MUC4: variants seen among roughly 807,000 people sequenced by gnomAD.
The protein encoded by MUC4 is mucin-4.
In MUC4, 202 loss-of-function variants were observed where a neutral mutation model predicts 257.9. The observed-to-expected ratio is 0.78, with a 90% CI of 0.70 to 0.88. The LOEUF (loss-of-function observed/expected upper bound fraction) is 0.88. Among genes scored for constraint, MUC4 ranks in the 40% least tolerant of loss-of-function variants. The pLI is 0.00. For missense variants in MUC4, 5,976 were observed against 6,513.7 expected (o/e 0.92, Z 2.84); for synonymous variants, 2,351 against 2,757.1 (o/e 0.85, Z 4.62).
rs1729553162 is a variant in MUC4 at position 195,783,622 on chromosome 3, T to G, written c.7958A>C (p.Gln2653Pro). 2.8e-6 allele frequency: 1 copy of G among 362,132 alleles called. No individual in the cohort carries two copies. 22.4% of individuals were successfully genotyped at this position (362,132 alleles called of 1,614,324 possible). A position where few individuals can be genotyped will look rare whatever the true frequency, so the allele number is the denominator to read the frequency against. ...VTDASSASTG[Q>P]ATPLPVTSLS... ...GCTGGTGACAGGAAGAGGGGTGGCC[T>G]GACCTGTGGATGCTGAGGAAGCGTC... Residue 2653 changes from glutamine to proline, a missense_variant, in exon 2 of 25, where the codon CAG becomes CCG. Around this residue, in one of 44 missense-constraint regions of MUC4, gnomAD observed 75 missense variants for 58.7 expected, o/e 1.28. Transcript: ENST00000463781.
At chr3:195,805,554 G>C (rs561732983) in intron 1 of MUC4, among the ~76,000 whole-genome samples, 12 of 152,296 alleles carry the variant, frequency 7.9e-5, no homozygotes, top group African/African-American at 2.6e-4. Flanking sequence ...GCCTCGGGCT[G>C]TCCTGGTGTG....
intron 1 of MUC4, 95 bp downstream of exon 1, chr3:195,811,641 T>A: frequency 9.3e-7 from 1 of 1,071,010 alleles, no homozygotes; most frequent in Non-Finnish European, 1.4e-6. Flanking sequence ...TCTCTCTCTC[T>A]CTCTCTCTGT....
At chr3:195,767,418 CA>C (rs1720776038) in intron 7 of MUC4, among the ~76,000 whole-genome samples, 1 of 149,576 alleles carries the variant, frequency 6.7e-6, no homozygotes, top group East Asian at 2.0e-4. Flanking sequence ...TCGTCACCAC[CA>C]ACACTACCAT....
At chr3:195,809,481 C>T (rs1014550110) in intron 1 of MUC4, among the ~76,000 whole-genome samples, 15 of 152,170 alleles carry the variant, frequency 9.9e-5, no homozygotes, top group Admixed American at 7.9e-4. Flanking sequence ...TGGTCATGCC[C>T]GGTCAGATGT....
chr3:195,774,792 C>A (rs920424870), intron 3 of MUC4, among the ~76,000 whole-genome samples: 2 of 149,390 alleles, frequency 1.3e-5, no homozygotes, highest in Admixed American at 1.3e-4. Flanking sequence ...CCCAGCCACT[C>A]GGGAGGCTGA....
intron 17 of MUC4, among the ~76,000 whole-genome samples, chr3:195,758,255 G>C (rs913834882): frequency 2.6e-5 from 4 of 152,130 alleles, no homozygotes; most frequent in Admixed American, 2.6e-4. Context: ...CATGGATGTA[G>C]GGCTCGGGGT....
At chr3:195,754,065 C>G (rs1312341796) in intron 19 of MUC4, 148 bp downstream of exon 19, 5 of 1,120,868 alleles carry the variant, frequency 4.5e-6, no homozygotes, top group Non-Finnish European at 2.5e-6. Flanking sequence ...ATTTCCCACA[C>G]CTGCCTAGAT....
At chr3:195,761,146 G>A (rs755583175) in intron 15 of MUC4, 29 bp from the exon 16 acceptor site, 115 of 1,589,418 alleles carry the variant, frequency 7.2e-5, no homozygotes, top group Admixed American at 4.3e-4. Context: ...GGTGGTACCA[G>A]GCATGGCACT....
In MUC4 at chr3:195,783,456, G is replaced by C. The variant is rs750039806; in HGVS notation, c.8124C>G (p.Thr2708=). Residue 2708 remains threonine, a synonymous_variant, in exon 2 of 25, where the codon ACC becomes ACG. Transcript: ENST00000463781. ...CACCTGTGTATGCTGAGGAAGTGTCGGTGACAGGAAGAGAGGTGGTGTCAC... is the reference window on the plus strand; with the variant it reads ...CACCTGTGTATGCTGAGGAAGTGTCCGTGACAGGAAGAGAGGTGGTGTCAC... ...STGDTTSLPV[T]DTSSAYTGDT... is the part of the protein sequence containing the mutation. 4 of 918,790 alleles carry C rather than the reference G, an allele frequency of 4.4e-6. No individual in the cohort carries two copies. Among genetic ancestry groups the C allele is most frequent in the East Asian group, 6.7e-5 (2 of 29,926 alleles). The allele number at this position is 918,790 out of a possible 1,614,324, so 56.9% of individuals were successfully genotyped here.
intron 1 of MUC4, among the ~76,000 whole-genome samples, chr3:195,792,219 T>G (rs1366028428): frequency 6.6e-6 from 1 of 151,990 alleles, no homozygotes; most frequent in South Asian, 2.1e-4. Flanking sequence ...ATGAGAAAAT[T>G]TTTGCAATCT....
intron 10 of MUC4, 47 bp from the exon 11 acceptor site, chr3:195,764,211 C>T (rs1560251966): frequency 6.5e-7 from 1 of 1,547,256 alleles, no homozygotes; most frequent in African/African-American, 1.4e-5. Context: ...CCTGGAGAAG[C>T]TTGGCAGGGC....
chr3:195,765,272 A>G lies in MUC4; in HGVS notation c.13796T>C (p.Ile4599Thr), dbSNP rs766691897. 6 of 1,611,194 alleles carry G rather than the reference A, an allele frequency of 3.7e-6. No individual in the cohort carries two copies. The highest frequency in any genetic ancestry group is 5.1e-6 in the Non-Finnish European group (6 of 1,178,622). The change falls in exon 9 of 25, where the codon ATA becomes ACA. Residue 4599 changes from isoleucine (I) to threonine (T), a missense_variant and splice_region_variant. By Grantham distance (89) the Ile-to-Thr change is moderately conservative. Coordinates refer to ENST00000463781, the MANE Select transcript of MUC4 (RefSeq NM_018406.7). ...GGGGGGCGGGAAGGAGGTGTCACCT[A>G]TGCTGACGGGTTGGAATCGTAAGTC... is the stretch of plus-strand genomic sequence containing the variant. The part of the protein sequence containing the change: ...RRDLRFQPVS[I>T]GRWGLGSRQL...
chr3:195,770,133 T>G, intron 6 of MUC4, 83 bp downstream of exon 6: 3 of 1,329,590 alleles, frequency 2.3e-6, no homozygotes, highest in Non-Finnish European at 2.0e-6. Flanking sequence ...CCAGAGAGGA[T>G]TTTGGAAGAG....
At position 195,763,780 on chromosome 3, in the gene MUC4, C is replaced by T. The variant is rs1338002193; in HGVS notation, c.14045-139G>A. On this transcript the variant is annotated intron_variant, in intron 11 of 24. Transcript: ENST00000463781. ...ACTGCAGTCGACTGGGGCACTTGTC[C>T]GGGCGGACTCAGCTGGGGAGATGTT... is the stretch of plus-strand genomic sequence containing the variant. The T allele has an allele frequency of 1.7e-5, 18 of 1,047,998 alleles. No individual in the cohort carries two copies. In the Admixed American group the frequency reaches 1.8e-4, roughly 10 times the overall value. The allele number at this position is 1,047,998 out of a possible 1,614,324, so 64.9% of individuals were successfully genotyped here. A position where few individuals can be genotyped will look rare whatever the true frequency, so the allele number is the denominator to read the frequency against.
intron 6 of MUC4, 70 bp from the exon 7 acceptor site, chr3:195,769,222 CG>C: frequency 6.4e-7 from 1 of 1,573,918 alleles, no homozygotes; most frequent in South Asian, 1.2e-5. Flanking sequence ...TATGTCCCCC[CG>C]CCCGTCCCAC....
chr3:195,768,006 G>A, intron 7 of MUC4, among the ~76,000 whole-genome samples: 1 of 151,526 alleles, frequency 6.6e-6, no homozygotes, highest in African/African-American at 2.4e-5. Flanking sequence ...GTCCGAGCAT[G>A]GCCCGGGAAG....
intron 1 of MUC4, 101 bp downstream of exon 1, chr3:195,811,634 CT>C: frequency 1.5e-6 from 1 of 655,072 alleles, no homozygotes; most frequent in Non-Finnish European, 2.4e-6. Context: ...CCCCTATTCT[CT>C]CTCTCTCTCT....
chr3:195,769,744 C>T (rs1192899752), intron 6 of MUC4: 2 of 163,136 alleles, frequency 1.2e-5, no homozygotes, highest in South Asian at 1.9e-4. Flanking sequence ...ACCCTGTGCC[C>T]GTTGGATGAG....
Position 195,763,413 on chromosome 3 carries a change from T to TC in MUC4, c.14253+19dup. ...CCCTGTGGGTGGAATGCAGGGAGGT[T>TC]CCCGGCACCCCTCACTCACCGTGAC... On this transcript the variant is annotated intron_variant, in intron 12 of 24. Coordinates refer to ENST00000463781, the MANE Select transcript of MUC4 (RefSeq NM_018406.7). 1.4e-6 allele frequency: 2 copies of TC among 1,394,584 alleles called. No homozygotes were observed. The highest frequency in any genetic ancestry group is 1.9e-6 in the Non-Finnish European group (2 of 1,070,890). 86.4% of individuals were successfully genotyped at this position (1,394,584 alleles called of 1,614,324 possible).
Sources: gnomAD v4.1 joint callset for allele counts (sites outside exome capture counted in the v4.1 genomes callset) on GRCh38, gnomAD v4.1.1 for gene constraint, gnomAD v4.1.1 regional missense constraint, MANE v1.5 for transcripts, NCBI Gene and HGNC (gene_info 2026-07-23, HGNC 2026-07-21) for gene names.